The following SYT14 variants were observed in gnomAD, a reference collection of about 807,000 sequenced individuals.
SYT14 encodes synaptotagmin 14, also known as synaptotagmin-14.
Under a neutral mutation model 74.2 loss-of-function variants are expected in SYT14, and 32 were observed. That is an observed-to-expected ratio of 0.43 (90% CI 0.33 to 0.58). The LOEUF (loss-of-function observed/expected upper bound fraction) is 0.58, where lower values mean the gene tolerates loss of function less well. Among genes scored for constraint, SYT14 ranks in the 20% least tolerant of loss-of-function variants. The pLI, the probability that SYT14 is intolerant of heterozygous loss-of-function variation, is 0.05. For missense variants in SYT14, 791 were observed against 981.8 expected (o/e 0.81, Z 2.60); for synonymous variants, 298 against 337.7 (o/e 0.88, Z 1.29).
At chr1:209,945,466 G>A (rs2078807737) in intron 1 of SYT14, among the ~76,000 whole-genome samples, 1 of 152,152 alleles carries the variant, frequency 6.6e-6, no homozygotes, top group Admixed American at 6.5e-5. Context: ...AAATTGGTTG[G>A]GGGGAGTTGC....
intron 1 of SYT14, among the ~76,000 whole-genome samples, chr1:209,939,473 A>G (rs1033109532): frequency 1.4e-4 from 22 of 152,226 alleles, no homozygotes; most frequent in African/African-American, 5.3e-4. Flanking sequence ...TATTTATTTA[A>G]GAGAGGGAGT....
intron 1 of SYT14, among the ~76,000 whole-genome samples, chr1:209,938,742 A>G (rs1472560458): frequency 2.6e-5 from 4 of 151,960 alleles, no homozygotes. Flanking sequence ...CTGAGAGTCC[A>G]GTTTTTTGTC....
intron 2 of SYT14, among the ~76,000 whole-genome samples, chr1:209,977,100 C>G (rs1457169757): frequency 6.6e-6 from 1 of 152,042 alleles, no homozygotes; most frequent in Non-Finnish European, 1.5e-5. Flanking sequence ...CTATGTGTGT[C>G]TCTGCACGTG....
intron 7 of SYT14, among the ~76,000 whole-genome samples, chr1:210,152,497 G>A (rs537136730): frequency 1.3e-5 from 2 of 151,640 alleles, no homozygotes; most frequent in Admixed American, 1.3e-4. Context: ...TATTTTTATC[G>A]TTGTATATTC....
intron 5 of SYT14, among the ~76,000 whole-genome samples, chr1:210,035,230 C>T (rs1304859219): frequency 2.6e-5 from 4 of 151,786 alleles, no homozygotes; most frequent in Non-Finnish European, 5.9e-5. Context: ...AATGTGTATT[C>T]ATTTCCTTTG....
intron 5 of SYT14, among the ~76,000 whole-genome samples, chr1:210,069,033 G>A (rs770143519): frequency 6.6e-6 from 1 of 151,280 alleles, no homozygotes; most frequent in Non-Finnish European, 1.5e-5. Flanking sequence ...ATTTTTTTCA[G>A]TTGCTGGGTT....
chr1:210,074,823 G>A (rs757556598), intron 5 of SYT14, among the ~76,000 whole-genome samples: 2 of 152,302 alleles, frequency 1.3e-5, no homozygotes, highest in South Asian at 2.1e-4. Context: ...GTCTAGAGAT[G>A]AATGTTTACA....
At chr1:210,050,279 CT>C (rs1429575656) in intron 5 of SYT14, among the ~76,000 whole-genome samples, 2 of 152,182 alleles carry the variant, frequency 1.3e-5, no homozygotes, top group Admixed American at 6.5e-5. Flanking sequence ...AGTCTCTTTG[CT>C]AAAACATAAC....
intron 7 of SYT14, among the ~76,000 whole-genome samples, chr1:210,139,342 TGC>T (rs2082867619): frequency 6.8e-6 from 1 of 146,864 alleles, no homozygotes; most frequent in South Asian, 2.2e-4. Flanking sequence ...CTCCAGCTCC[TGC>T]TAGGATTACA....
chr1:210,037,631 G>GT (rs1296346175), intron 5 of SYT14, among the ~76,000 whole-genome samples: 4 of 150,358 alleles, frequency 2.7e-5, no homozygotes, highest in Non-Finnish European at 5.9e-5. Flanking sequence ...TTGGTATGTT[G>GT]TATCTCCATT....
chr1:210,048,480 C>T (rs546312511), intron 5 of SYT14, among the ~76,000 whole-genome samples: 103 of 152,290 alleles, frequency 6.8e-4, no homozygotes, highest in Non-Finnish European at 1.3e-3. Flanking sequence ...GAAAGTCCCC[C>T]TTTTAAAACC....
chr1:210,100,671 G>A (rs1447760138), intron 7 of SYT14, among the ~76,000 whole-genome samples: 2 of 152,094 alleles, frequency 1.3e-5, no homozygotes, highest in African/African-American at 4.8e-5. Context: ...TGTGATTTAT[G>A]TCTTTTATTT....
In SYT14 at chr1:210,047,829, A is replaced by G. The variant is rs1257631560; in HGVS notation, c.1312+26575A>G. 2.0e-5 allele frequency among the ~76,000 whole-genome samples: 3 copies of G among 152,232 alleles called. No individual in the cohort carries two copies. The South Asian group carries it at 6.2e-4, about 32-fold the overall frequency. On this transcript the variant is annotated intron_variant, in intron 5 of 9. Transcript: ENST00000637265. ...CTCAAGAATTGGGAATCCAAGTTAT[A>G]TGTTATGCAAAATATGAATAAAAAA...
intron 7 of SYT14, among the ~76,000 whole-genome samples, chr1:210,102,889 G>T (rs1245803929): frequency 6.6e-6 from 1 of 151,906 alleles, no homozygotes; most frequent in Non-Finnish European, 1.5e-5. Flanking sequence ...TGTTGTCCAG[G>T]CTAGTCTTGA....
intron 5 of SYT14, among the ~76,000 whole-genome samples, chr1:210,065,948 T>C: frequency 6.7e-6 from 1 of 149,554 alleles, no homozygotes; most frequent in Non-Finnish European, 1.5e-5. Context: ...CATTGTTCAA[T>C]TCCCACCTAT....
rs185073736 is a variant in SYT14, at chr1:209,976,177, C to G, written c.-486+23421C>G. Among the ~76,000 whole-genome samples the G allele has an allele frequency of 5.4e-3, 820 of 151,536 alleles. 10 individuals carry two copies. Among genetic ancestry groups the G allele is most frequent in the Admixed American group, 0.031 (473 of 15,224 alleles). ...CAGCTCCTGGATTCATTGATTTTTT[C>G]AAGGGTTTTTTGTGTCTCTATTTCC... is the stretch of plus-strand genomic sequence containing the variant. On this transcript the variant is annotated intron_variant, in intron 2 of 9. Transcript: ENST00000637265.
intron 7 of SYT14, among the ~76,000 whole-genome samples, chr1:210,102,710 A>C (rs1007649646): frequency 5.3e-5 from 8 of 151,964 alleles, no homozygotes; most frequent in African/African-American, 1.9e-4. Context: ...ACTCTGGGAA[A>C]AGTCAGGGTC....
chr1:210,126,344 CAAA>C (rs34217502), intron 7 of SYT14, among the ~76,000 whole-genome samples: 1 of 137,566 alleles, frequency 7.3e-6, no homozygotes. Context: ...AATTTATGGC[CAAA>C]AAAAAAAAAA....
At chr1:209,967,403 T>G (rs559060354) in intron 2 of SYT14, among the ~76,000 whole-genome samples, 4 of 152,244 alleles carry the variant, frequency 2.6e-5, no homozygotes, top group Admixed American at 2.6e-4. Flanking sequence ...TCTTAAATGT[T>G]TGGTACAGTT....
Sources: allele counts gnomAD v4.1 joint callset (sites outside exome capture counted in the v4.1 genomes callset), GRCh38; gene constraint gnomAD v4.1.1; transcripts MANE v1.5; gene names NCBI Gene and HGNC (gene_info 2026-07-23, HGNC 2026-07-21).